The following ZFHX3 variants were observed in gnomAD, a reference collection of about 807,000 sequenced individuals.
ZFHX3 encodes zinc finger homeobox protein 3.
ZFHX3 carries 42 observed loss-of-function variants against 279.1 expected under a neutral mutation model. The observed-to-expected ratio is 0.15, with a 90% CI of 0.12 to 0.19. The LOEUF is 0.19. ZFHX3 is among the 10% of genes least tolerant of loss of function. The pLI is 1.00. For synonymous variants in ZFHX3, 2,293 were observed against 1,957.8 expected, an observed-to-expected ratio of 1.17 and a Z score of -4.52; for missense variants, 4,981 against 4,754.0, an observed-to-expected ratio of 1.05 and a Z score of -1.40.
At chr16:73,019,672 C>T (rs563547912) in intron 1 of ZFHX3, among the ~76,000 whole-genome samples, 15 of 152,304 alleles carry the variant, frequency 9.8e-5, no homozygotes, top group African/African-American at 1.4e-4. Context: ...TGAGTCATCA[C>T]GACGCGCAGG....
intron 3 of ZFHX3, chr16:73,401,888 T>C (rs1414478921): frequency 3.3e-5 from 5 of 152,268 alleles, no homozygotes; most frequent in East Asian, 3.9e-4. Flanking sequence ...TCTGACTCCA[T>C]AGAGATTTGT....
chr16:73,647,970 T>G (rs1198597804), intron 2 of ZFHX3, among the ~76,000 whole-genome samples: 1 of 152,082 alleles, frequency 6.6e-6, no homozygotes, highest in Non-Finnish European at 1.5e-5. Flanking sequence ...AAAAAAAAAT[T>G]TTAACTGATC....
intron 1 of ZFHX3, among the ~76,000 whole-genome samples, chr16:73,742,193 C>G (rs1289247556): frequency 6.6e-6 from 1 of 152,206 alleles, no homozygotes; most frequent in Non-Finnish European, 1.5e-5. Context: ...GAAGTTACAG[C>G]CGTTTTTGAA....
At chr16:73,695,870 G>C (rs922432737) in intron 1 of ZFHX3, among the ~76,000 whole-genome samples, 2 of 152,042 alleles carry the variant, frequency 1.3e-5, no homozygotes, top group Non-Finnish European at 2.9e-5. Flanking sequence ...CCCAGGCTCG[G>C]CAAGAAGGAC....
chr16:72,941,081 T>C (rs1960388900), intron 3 of ZFHX3, among the ~76,000 whole-genome samples: 1 of 152,214 alleles, frequency 6.6e-6, no homozygotes, highest in South Asian at 2.1e-4. Flanking sequence ...AGGGGCAGCT[T>C]CAACATCTGG....
At chr16:73,312,191 A>G (rs1292219689) in intron 4 of ZFHX3, among the ~76,000 whole-genome samples, 1 of 152,154 alleles carries the variant, frequency 6.6e-6, no homozygotes. Flanking sequence ...GTCACGTGAC[A>G]AAAGGATGAA....
At chr16:73,478,834 C>G (rs1363639420) in intron 2 of ZFHX3, among the ~76,000 whole-genome samples, 1 of 152,132 alleles carries the variant, frequency 6.6e-6, no homozygotes, top group Non-Finnish European at 1.5e-5. Context: ...AGGAGGATCA[C>G]AAGGTCAGGA....
chr16:73,540,685 A>C (rs190456406), intron 2 of ZFHX3, among the ~76,000 whole-genome samples: 7 of 152,214 alleles, frequency 4.6e-5, no homozygotes, highest in Non-Finnish European at 8.8e-5. Context: ...TCTGAAAATC[A>C]TCTCATTGTC....
intron 2 of ZFHX3, among the ~76,000 whole-genome samples, chr16:73,477,641 A>C (rs1458157090): frequency 1.3e-5 from 2 of 152,090 alleles, no homozygotes; most frequent in African/African-American, 4.8e-5. Context: ...GCTGCACACC[A>C]CGGGCCCCAG....
chr16:73,290,193 C>T (rs942806069), intron 4 of ZFHX3, among the ~76,000 whole-genome samples: 1 of 152,168 alleles, frequency 6.6e-6, no homozygotes, highest in Non-Finnish European at 1.5e-5. Flanking sequence ...GACTCTGTGC[C>T]TTCCCTGATG....
intron 5 of ZFHX3, among the ~76,000 whole-genome samples, chr16:73,197,924 G>GTTTTTTTTTTTTT (rs71156148): frequency 1.1e-4 from 6 of 53,782 alleles, no homozygotes; most frequent in Admixed American, 6.6e-4. Context: ...TGATTTGGTG[G>GTTTTTTTTTTTTT]TTTTTTTTTT....
chr16:73,018,665 TG>T (rs760223690), intron 1 of ZFHX3, among the ~76,000 whole-genome samples: 3 of 152,168 alleles, frequency 2.0e-5, no homozygotes, highest in Non-Finnish European at 4.4e-5. Flanking sequence ...TGGCATTTTG[TG>T]GGGATTCACC....
intron 3 of ZFHX3, among the ~76,000 whole-genome samples, chr16:72,935,155 T>C (rs1043316378): frequency 6.6e-6 from 1 of 152,218 alleles, no homozygotes; most frequent in Non-Finnish European, 1.5e-5. Flanking sequence ...GTCACTGCCC[T>C]AAAGAAGCAA....
chr16:73,555,827 C>T (rs2020272849), intron 2 of ZFHX3, among the ~76,000 whole-genome samples: 1 of 147,900 alleles, frequency 6.8e-6, no homozygotes, highest in Admixed American at 6.7e-5. Context: ...AGCAAAACTC[C>T]ATCTCAAAAA....
At chr16:72,883,387 T>G (rs1207787755) in intron 4 of ZFHX3, among the ~76,000 whole-genome samples, 3 of 152,160 alleles carry the variant, frequency 2.0e-5, no homozygotes, top group Admixed American at 1.3e-4. Flanking sequence ...TGTTAGTGAT[T>G]CTGCTAAAAT....
intron 1 of ZFHX3, among the ~76,000 whole-genome samples, chr16:73,746,041 T>C (rs567636261): frequency 1.3e-5 from 2 of 150,594 alleles, no homozygotes; most frequent in African/African-American, 2.5e-5. Flanking sequence ...ATTCCCTCTA[T>C]TTATTTTTTT....
chr16:73,410,912 G>A (rs1446818658), intron 3 of ZFHX3, among the ~76,000 whole-genome samples: 3 of 152,258 alleles, frequency 2.0e-5, no homozygotes, highest in Non-Finnish European at 4.4e-5. Context: ...CAGGTTCACA[G>A]TGGCAGGTGC....
chr16:73,345,731 CTT>C (rs1190929831), intron 3 of ZFHX3, among the ~76,000 whole-genome samples: 1 of 152,130 alleles, frequency 6.6e-6, no homozygotes, highest in African/African-American at 2.4e-5. Flanking sequence ...AACAGAATGA[CTT>C]ATATTCCTTT....
intron 3 of ZFHX3, among the ~76,000 whole-genome samples, chr16:73,399,804 G>A (rs2017209812): frequency 6.7e-6 from 1 of 149,804 alleles, no homozygotes; most frequent in South Asian, 2.1e-4. Flanking sequence ...TGTGTGGAAA[G>A]AGTGTGTGTG....
Sources: allele counts gnomAD v4.1 joint callset (sites outside exome capture counted in the v4.1 genomes callset), GRCh38; gene constraint gnomAD v4.1.1; transcripts MANE v1.5; gene names NCBI Gene and HGNC (gene_info 2026-07-23, HGNC 2026-07-21).